C2orf42: variants seen among roughly 807,000 people sequenced by gnomAD.
The protein encoded by C2orf42 is uncharacterized protein C2orf42.
Under a neutral mutation model 58.9 loss-of-function variants are expected in C2orf42, and 44 were observed. The ratio of observed to expected loss-of-function variants is 0.75; its 90% CI spans 0.59 to 0.96. The LOEUF (loss-of-function observed/expected upper bound fraction) is 0.96. Ranked by LOEUF, C2orf42 falls within the 40% of genes least tolerant of loss-of-function variation. The probability of loss-of-function intolerance (pLI) is 0.00; values close to 1 mark genes in which losing one functional copy is unlikely to be tolerated. For missense variants in C2orf42, 630 were observed against 699.2 expected, an observed-to-expected ratio of 0.90 and a Z score of 1.12; for synonymous variants, 239 against 265.4, an observed-to-expected ratio of 0.90 and a Z score of 0.97.
chr2:70,159,745 C>T (rs1672936706), intron 9 of C2orf42, among the ~76,000 whole-genome samples: 1 of 152,018 alleles, frequency 6.6e-6, no homozygotes, highest in Non-Finnish European at 1.5e-5. Context: ...CTATATTGCC[C>T]AGGCTGGTCT....
At chr2:70,174,062 CTTTG>C (rs1674019813) in intron 5 of C2orf42, among the ~76,000 whole-genome samples, 1 of 152,088 alleles carries the variant, frequency 6.6e-6, no homozygotes, top group Non-Finnish European at 1.5e-5. Context: ...AATCTCAGTA[CTTTG>C]TGAGGCTGAG....
chr2:70,171,012 G>C (rs986009629), intron 5 of C2orf42, among the ~76,000 whole-genome samples: 1 of 151,958 alleles, frequency 6.6e-6, no homozygotes, highest in Non-Finnish European at 1.5e-5. Context: ...CTACTCGGGA[G>C]GCTGAGGCAG....
intron 9 of C2orf42, among the ~76,000 whole-genome samples, chr2:70,151,168 A>G (rs1364949526): frequency 3.3e-5 from 5 of 152,238 alleles, no homozygotes; most frequent in Non-Finnish European, 7.3e-5. Context: ...CCTATGCAAC[A>G]AAGTGAGACC....
At chr2:70,182,256 C>G (rs549275756) in intron 2 of C2orf42, 1 of 270,148 alleles carries the variant, frequency 3.7e-6, no homozygotes, top group Non-Finnish European at 7.2e-6. Flanking sequence ...CCCGCCACCA[C>G]GCCCAGCTAA....
intron 6 of C2orf42, among the ~76,000 whole-genome samples, chr2:70,167,037 A>G (rs1673450579): frequency 6.6e-6 from 1 of 152,138 alleles, no homozygotes; most frequent in African/African-American, 2.4e-5. Flanking sequence ...GGCAGGTAAA[A>G]TACTTGAAAG....
intron 6 of C2orf42, among the ~76,000 whole-genome samples, chr2:70,168,415 G>A (rs1673556348): frequency 6.7e-6 from 1 of 149,828 alleles, no homozygotes; most frequent in South Asian, 2.1e-4. Flanking sequence ...AGCCTCCCGA[G>A]TAGCTGGGAC....
chr2:70,190,553 T>G (rs1675282877), intron 1 of C2orf42: 1 of 152,182 alleles, frequency 6.6e-6, no homozygotes, highest in African/African-American at 2.4e-5. Flanking sequence ...AAACGTGGGT[T>G]TGTAGTCGGC....
intron 6 of C2orf42, among the ~76,000 whole-genome samples, chr2:70,167,387 G>A (rs1392314308): frequency 2.0e-5 from 3 of 151,094 alleles, no homozygotes; most frequent in Admixed American, 6.6e-5. Flanking sequence ...AAACTTGTCA[G>A]ACATTAGGTC....
At chr2:70,154,829 C>T (rs535895318) in intron 9 of C2orf42, among the ~76,000 whole-genome samples, 2 of 152,224 alleles carry the variant, frequency 1.3e-5, no homozygotes, top group African/African-American at 4.8e-5. Context: ...AATCATGGCT[C>T]ACTGCAGCCT....
intron 4 of C2orf42, among the ~76,000 whole-genome samples, chr2:70,178,749 A>G (rs889250588): frequency 6.6e-6 from 1 of 152,142 alleles, no homozygotes; most frequent in Non-Finnish European, 1.5e-5. Flanking sequence ...AGTCTGACCA[A>G]TATGGTGAAA....
intron 5 of C2orf42, among the ~76,000 whole-genome samples, chr2:70,175,439 T>C (rs1245932053): frequency 6.6e-6 from 1 of 152,214 alleles, no homozygotes; most frequent in East Asian, 1.9e-4. Context: ...AGTAAGAACA[T>C]ACTGTATTTG....
At chr2:70,160,901 A>C in intron 8 of C2orf42, 114 bp from the exon 9 acceptor site, 1 of 642,264 alleles carries the variant, frequency 1.6e-6, no homozygotes. Flanking sequence ...AGTATATTCA[A>C]ATGAATTACA....
chr2:70,164,418 G>T (rs1218431737), intron 8 of C2orf42, among the ~76,000 whole-genome samples: 2 of 152,002 alleles, frequency 1.3e-5, no homozygotes, highest in Non-Finnish European at 2.9e-5. Flanking sequence ...AGGATCATGA[G>T]GTCAGGAATT....
intron 8 of C2orf42, among the ~76,000 whole-genome samples, chr2:70,164,803 A>G (rs921029519): frequency 2.6e-5 from 4 of 152,150 alleles, no homozygotes; most frequent in African/African-American, 9.7e-5. Flanking sequence ...GACTCATCAT[A>G]AGTATTAGGG....
intron 6 of C2orf42, among the ~76,000 whole-genome samples, chr2:70,166,546 T>TGTGCCTGTA (rs1270868628): frequency 1.4e-5 from 2 of 147,024 alleles, no homozygotes; most frequent in Non-Finnish European, 3.0e-5. Context: ...CATGGTGGTG[T>TGTGCCTGTA]GTGCCTGTAA....
chr2:70,151,851 C>T (rs754783170), intron 9 of C2orf42, among the ~76,000 whole-genome samples: 9 of 151,882 alleles, frequency 5.9e-5, no homozygotes, highest in African/African-American at 1.5e-4. Flanking sequence ...GTTGCAATCT[C>T]GGTTCACTGC....
intron 5 of C2orf42, among the ~76,000 whole-genome samples, chr2:70,174,142 T>G (rs1038598941): frequency 2.6e-5 from 4 of 151,962 alleles, no homozygotes; most frequent in African/African-American, 9.7e-5. Context: ...ACCCCATCTC[T>G]ACTAAAAATA....
intron 1 of C2orf42, among the ~76,000 whole-genome samples, chr2:70,188,865 T>C (rs1004836789): frequency 6.6e-6 from 1 of 152,208 alleles, no homozygotes; most frequent in African/African-American, 2.4e-5. Context: ...CCTTGCATAT[T>C]TGGAATCAGT....
chr2:70,167,960 C>T (rs1247721555), intron 6 of C2orf42, among the ~76,000 whole-genome samples: 9 of 151,012 alleles, frequency 6.0e-5, no homozygotes, highest in African/African-American at 9.7e-5. Context: ...GGGCTGGGCA[C>T]GGTGGTTCAC....
Sources: allele counts gnomAD v4.1 joint callset (sites outside exome capture counted in the v4.1 genomes callset), GRCh38; gene constraint gnomAD v4.1.1; transcripts MANE v1.5; gene names NCBI Gene and HGNC (gene_info 2026-07-23, HGNC 2026-07-21).